The following AKAP19 variants were observed in gnomAD, a reference collection of about 807,000 sequenced individuals.
AKAP19 encodes small A-kinase anchoring protein.
At chr2:189,882,046 C>T in the AKAP19 span, among the ~76,000 whole-genome samples, 15,823 of 152,006 alleles carry the variant, frequency 0.1, 1,184 homozygotes, top group East Asian at 0.19. Context: ...AAAGCCAAGC[C>T]CAGCCATGGA....
chr2:190,151,530 G>C, the AKAP19 span, among the ~76,000 whole-genome samples: 2 of 152,300 alleles, frequency 1.3e-5, no homozygotes, highest in East Asian at 1.9e-4. Flanking sequence ...TCCCTGCAAA[G>C]GACATGCTCT....
the AKAP19 span, among the ~76,000 whole-genome samples, chr2:190,104,066 G>T: frequency 6.6e-6 from 1 of 152,164 alleles, no homozygotes; most frequent in African/African-American, 2.4e-5. Context: ...TGACAAAGTT[G>T]ACGAAAATAA....
the AKAP19 span, among the ~76,000 whole-genome samples, chr2:189,934,378 A>G: frequency 0.05 from 7,612 of 152,134 alleles, 632 homozygotes; most frequent in African/African-American, 0.17. Flanking sequence ...TGCAGATTCC[A>G]TAATTGTAAT....
the AKAP19 span, among the ~76,000 whole-genome samples, chr2:190,198,763 T>C: frequency 4.6e-5 from 7 of 152,124 alleles, no homozygotes; most frequent in African/African-American, 1.7e-4. Flanking sequence ...TACCTGTGCT[T>C]CTTACACTCA....
the AKAP19 span, among the ~76,000 whole-genome samples, chr2:190,021,968 T>C: frequency 6.6e-6 from 1 of 152,206 alleles, no homozygotes. Context: ...CAGGACTCTC[T>C]GTGGAGTCCC....
chr2:190,167,744 C>T, the AKAP19 span, among the ~76,000 whole-genome samples: 2 of 152,206 alleles, frequency 1.3e-5, no homozygotes, highest in Non-Finnish European at 2.9e-5. Flanking sequence ...TCCTTTGACT[C>T]CACGTCTCAC....
the AKAP19 span, among the ~76,000 whole-genome samples, chr2:190,159,382 A>G: frequency 6.6e-6 from 1 of 152,190 alleles, no homozygotes; most frequent in Non-Finnish European, 1.5e-5. Flanking sequence ...AATCACTTAC[A>G]ATGATTATTT....
the AKAP19 span, among the ~76,000 whole-genome samples, chr2:189,920,425 G>A: frequency 1.3e-5 from 2 of 152,090 alleles, no homozygotes; most frequent in African/African-American, 4.8e-5. Flanking sequence ...TTCCTTTAAG[G>A]CACAAATAGA....
At chr2:190,106,800 C>T in the AKAP19 span, among the ~76,000 whole-genome samples, 124 of 152,272 alleles carry the variant, frequency 8.1e-4, no homozygotes, top group Non-Finnish European at 1.4e-3. Flanking sequence ...AGTACTACTA[C>T]TTCACTATAA....
chr2:189,944,438 G>C, the AKAP19 span, among the ~76,000 whole-genome samples: 1 of 152,072 alleles, frequency 6.6e-6, no homozygotes, highest in East Asian at 1.9e-4. Flanking sequence ...TTCCTATAAA[G>C]CCTACAGAGC....
At chr2:190,062,969 A>G in the AKAP19 span, among the ~76,000 whole-genome samples, 7 of 152,120 alleles carry the variant, frequency 4.6e-5, no homozygotes, top group African/African-American at 1.7e-4. Flanking sequence ...GAAAAACAAA[A>G]GTCTATGTTG....
At chr2:190,119,619 A>G in the AKAP19 span, among the ~76,000 whole-genome samples, 6 of 152,314 alleles carry the variant, frequency 3.9e-5, no homozygotes, top group African/African-American at 1.4e-4. Context: ...GTTGCCAGCT[A>G]GGGTGTAAGA....
the AKAP19 span, among the ~76,000 whole-genome samples, chr2:189,925,061 G>A: frequency 2.0e-5 from 3 of 151,974 alleles, no homozygotes; most frequent in Admixed American, 1.3e-4. Flanking sequence ...AGGGGGTTTC[G>A]CCTCACATTT....
chr2:190,144,437 A>G, the AKAP19 span, among the ~76,000 whole-genome samples: 1 of 152,084 alleles, frequency 6.6e-6, no homozygotes, highest in African/African-American at 2.4e-5. Flanking sequence ...AAAATATTCT[A>G]TTTTATTCAT....
the AKAP19 span, among the ~76,000 whole-genome samples, chr2:190,025,927 CTCAA>C: frequency 1.3e-5 from 2 of 152,120 alleles, no homozygotes; most frequent in Non-Finnish European, 2.9e-5. Context: ...TATCGTAGTT[CTCAA>C]TCATTTATAT....
the AKAP19 span, among the ~76,000 whole-genome samples, chr2:190,092,683 C>A: frequency 1.3e-5 from 2 of 152,154 alleles, no homozygotes; most frequent in African/African-American, 4.8e-5. Flanking sequence ...TCCAAATTAT[C>A]ATTCAGAAAG....
the AKAP19 span, among the ~76,000 whole-genome samples, chr2:189,904,773 T>G: frequency 6.6e-6 from 1 of 151,772 alleles, no homozygotes. Flanking sequence ...GGCTCTAGAG[T>G]GAAAGAACTA....
At chr2:189,934,071 C>T in the AKAP19 span, among the ~76,000 whole-genome samples, 1 of 152,040 alleles carries the variant, frequency 6.6e-6, no homozygotes, top group African/African-American at 2.4e-5. Context: ...ATTCTGTACA[C>T]CTTGGTAGGA....
the AKAP19 span, among the ~76,000 whole-genome samples, chr2:190,066,208 T>C: frequency 6.6e-6 from 1 of 152,170 alleles, no homozygotes; most frequent in Non-Finnish European, 1.5e-5. Flanking sequence ...GGCCTCACAT[T>C]TTCTGTAACC....
Sources: gnomAD v4.1 joint callset for allele counts (sites outside exome capture counted in the v4.1 genomes callset) on GRCh38, gnomAD v4.1.1 for gene constraint, MANE v1.5 for transcripts, NCBI Gene and HGNC (gene_info 2026-07-23, HGNC 2026-07-21) for gene names.